The following ZBTB20 variants were observed in gnomAD, a reference collection of about 807,000 sequenced individuals.
ZBTB20 encodes zinc finger and BTB domain-containing protein 20.
A neutral mutation model predicts 56.9 loss-of-function variants in ZBTB20; 9 were observed. The ratio of observed to expected loss-of-function variants is 0.16; its 90% confidence interval spans 0.10 to 0.28. The LOEUF (loss-of-function observed/expected upper bound fraction) is 0.28, where lower values mean the gene tolerates loss of function less well. Among genes scored for constraint, ZBTB20 ranks in the 10% least tolerant of loss-of-function variants. The pLI is 1.00. For missense variants in ZBTB20, 655 were observed against 1,003.0 expected, an observed-to-expected ratio of 0.65 and a Z score of 4.69; for synonymous variants, 417 against 420.7, an observed-to-expected ratio of 0.99 and a Z score of 0.11.
chr3:115,125,336 C>T (rs1331500006), intron 1 of ZBTB20, among the ~76,000 whole-genome samples: 1 of 146,108 alleles, frequency 6.8e-6, no homozygotes, highest in Non-Finnish European at 1.5e-5. Context: ...GAGCAAGACC[C>T]TGCCTCAAAT....
chr3:114,458,531 T>C (rs2092156984), intron 7 of ZBTB20, among the ~76,000 whole-genome samples: 1 of 152,174 alleles, frequency 6.6e-6, no homozygotes, highest in Non-Finnish European at 1.5e-5. Context: ...CATGGGCAGA[T>C]ATTTCCAGAG....
intron 6 of ZBTB20, among the ~76,000 whole-genome samples, chr3:114,509,427 T>C (rs1252833935): frequency 1.3e-5 from 2 of 149,384 alleles, no homozygotes; most frequent in South Asian, 2.1e-4. Flanking sequence ...GTGTGTGTGG[T>C]GGTGGTGGTG....
intron 5 of ZBTB20, among the ~76,000 whole-genome samples, chr3:114,772,151 C>A (rs550568416): frequency 3.4e-4 from 51 of 152,142 alleles, no homozygotes; most frequent in Non-Finnish European, 5.4e-4. Context: ...ACCAGCCTGG[C>A]CAACATGGTG....
At chr3:115,088,365 T>C (rs1004902758) in intron 1 of ZBTB20, among the ~76,000 whole-genome samples, 2 of 151,786 alleles carry the variant, frequency 1.3e-5, no homozygotes, top group African/African-American at 4.8e-5. Context: ...CCAATAAACT[T>C]GTAAGTCTGC....
intron 6 of ZBTB20, among the ~76,000 whole-genome samples, chr3:114,538,650 C>T (rs2048758238): frequency 6.6e-6 from 1 of 152,084 alleles, no homozygotes; most frequent in African/African-American, 2.4e-5. Context: ...GTGCAAGATA[C>T]ACATGTTTGA....
intron 7 of ZBTB20, among the ~76,000 whole-genome samples, chr3:114,426,982 A>G (rs1183964347): frequency 1.3e-5 from 2 of 152,372 alleles, no homozygotes; most frequent in Non-Finnish European, 2.9e-5. Context: ...TTTAATATAT[A>G]TAAAGCCATT....
intron 4 of ZBTB20, among the ~76,000 whole-genome samples, chr3:114,866,209 T>C (rs991407652): frequency 2.6e-5 from 4 of 152,218 alleles, no homozygotes; most frequent in African/African-American, 9.6e-5. Flanking sequence ...GTGTTTTACA[T>C]GCATTATTCC....
chr3:114,688,303 G>C (rs911491131), intron 6 of ZBTB20: 2 of 150,292 alleles, frequency 1.3e-5, no homozygotes, highest in South Asian at 2.1e-4. Context: ...TGGGTGATGG[G>C]ATCATACATA....
chr3:114,776,046 T>G (rs1325545868), intron 5 of ZBTB20, among the ~76,000 whole-genome samples: 1 of 151,018 alleles, frequency 6.6e-6, no homozygotes, highest in African/African-American at 2.4e-5. Flanking sequence ...TTTTTTTTTT[T>G]TTTACTAACA....
rs78565854 is a variant in ZBTB20, at chr3:114,641,376, T to C, written c.-295+52152A>G. Among the ~76,000 whole-genome samples, 640 of 152,086 alleles carry C rather than the reference T, an allele frequency of 4.2e-3. 5 individuals carry two copies. Among genetic ancestry groups the C allele is most frequent in the African/African-American group, 0.014 (585 of 41,558 alleles). ...ACACCAAGGCCAAAGACTAAAAGGC[T>C]GAAATTTAAAGTACAAAAGTATTGT... On this transcript the variant is annotated intron_variant, in intron 6 of 11. Coordinates refer to ENST00000675478, the MANE Select transcript of ZBTB20 (RefSeq NM_001348800.3).
intron 1 of ZBTB20, among the ~76,000 whole-genome samples, chr3:115,091,930 G>T (rs1376824567): frequency 6.6e-6 from 1 of 152,018 alleles, no homozygotes; most frequent in Non-Finnish European, 1.5e-5. Flanking sequence ...ATATTGCCAA[G>T]TTATGCATAT....
At chr3:114,344,937 T>A (rs143023351) in intron 11 of ZBTB20, among the ~76,000 whole-genome samples, 107 of 151,754 alleles carry the variant, frequency 7.1e-4, no homozygotes, top group African/African-American at 2.4e-3. Context: ...GGGCTGTTGA[T>A]AATATGATTC....
Position 114,711,525 on chromosome 3 carries a change from C to T in ZBTB20, c.-342-17950G>A, listed in dbSNP as rs192746148. ...GGGAAACCACCTACATGCAATAGCT[C>T]ACATGTCTTATAATAAACTTCTTGG... On this transcript the variant is annotated intron_variant, in intron 5 of 11. Coordinates refer to ENST00000675478, the MANE Select transcript of ZBTB20 (RefSeq NM_001348800.3). 2.0e-5 allele frequency among the ~76,000 whole-genome samples: 3 copies of T among 152,304 alleles called. No individual in the cohort carries two copies. The East Asian group carries it at 5.8e-4, about 29-fold the overall frequency.
chr3:114,871,927 C>A (rs943100697), intron 4 of ZBTB20, among the ~76,000 whole-genome samples: 1 of 152,060 alleles, frequency 6.6e-6, no homozygotes, highest in Non-Finnish European at 1.5e-5. Flanking sequence ...TTCTTGTCTT[C>A]GTTTCTGTCT....
chr3:114,595,498 T>C (rs539320370), intron 6 of ZBTB20, among the ~76,000 whole-genome samples: 2 of 152,328 alleles, frequency 1.3e-5, no homozygotes, highest in East Asian at 3.9e-4. Flanking sequence ...AGTACTCAAA[T>C]GTTAGAGACC....
At chr3:114,544,423 TTCTTTCTTTCTTTCTTTCTTTCTTTC>T (rs1011310725) in intron 6 of ZBTB20, among the ~76,000 whole-genome samples, 1 of 47,436 alleles carries the variant, frequency 2.1e-5, no homozygotes, top group Non-Finnish European at 3.8e-5. Flanking sequence ...CTTTCTTTCT[TTCTTTCTTTCTTTCTTTCTTTCTTTC>T]TTTCTTTCTT....
At chr3:114,341,391 C>T (rs964577337) in intron 11 of ZBTB20, among the ~76,000 whole-genome samples, 10 of 152,016 alleles carry the variant, frequency 6.6e-5, no homozygotes, top group Non-Finnish European at 1.2e-4. Context: ...TGCTTTCAGA[C>T]GATTTATAGA....
At chr3:114,789,327 A>G (rs113608490) in intron 5 of ZBTB20, among the ~76,000 whole-genome samples, 1 of 152,186 alleles carries the variant, frequency 6.6e-6, no homozygotes, top group Non-Finnish European at 1.5e-5. Context: ...ATGGTTTCCA[A>G]TGTGAAGAAG....
chr3:115,139,622 C>T (rs935088792), intron 1 of ZBTB20, among the ~76,000 whole-genome samples: 3 of 151,912 alleles, frequency 2.0e-5, no homozygotes, highest in South Asian at 2.1e-4. Flanking sequence ...TCAATGTATA[C>T]CTATGTTTTG....
Sources: allele counts gnomAD v4.1 joint callset (sites outside exome capture counted in the v4.1 genomes callset), GRCh38; gene constraint gnomAD v4.1.1; transcripts MANE v1.5; gene names NCBI Gene and HGNC (gene_info 2026-07-23, HGNC 2026-07-21).